The following FUT8 variants were observed in gnomAD, a reference collection of about 807,000 sequenced individuals.
The protein encoded by FUT8 is alpha-(1,6)-fucosyltransferase.
In FUT8, 29 loss-of-function variants were observed where a neutral mutation model predicts 71.3. The ratio of observed to expected loss-of-function variants is 0.41; its 90% CI spans 0.30 to 0.55. FUT8 has a LOEUF of 0.55. FUT8 is among the 20% of genes least tolerant of loss of function. The probability of loss-of-function intolerance (pLI) is 0.34; values close to 1 mark genes in which losing one functional copy is unlikely to be tolerated. For synonymous variants in FUT8, 254 were observed against 239.3 expected (o/e 1.06, Z -0.57); for missense variants, 544 against 702.1 (o/e 0.77, Z 2.55).
intron 1 of FUT8, among the ~76,000 whole-genome samples, chr14:65,423,235 C>G (rs188812814): frequency 1.3e-5 from 2 of 150,218 alleles, no homozygotes; most frequent in Admixed American, 1.3e-4. Context: ...CTGCCCACCT[C>G]GGCCTCCCAA....
intron 6 of FUT8, among the ~76,000 whole-genome samples, chr14:65,657,361 T>C (rs1197953035): frequency 6.6e-6 from 1 of 152,134 alleles, no homozygotes; most frequent in African/African-American, 2.4e-5. Flanking sequence ...TGAAGAAATA[T>C]TTGCACTTCC....
intron 2 of FUT8, among the ~76,000 whole-genome samples, chr14:65,553,636 G>C (rs898462317): frequency 2.0e-5 from 3 of 150,314 alleles, no homozygotes; most frequent in African/African-American, 7.3e-5. Context: ...GAAGAGTTTT[G>C]ATTTTGCCTT....
At chr14:65,375,881 A>G in the FUT8 span, among the ~76,000 whole-genome samples, 7 of 99,736 alleles carry the variant, frequency 7.0e-5, no homozygotes, top group Non-Finnish European at 1.4e-4. Flanking sequence ...ACTTGAGGCC[A>G]GGAGTTCAAG....
intron 6 of FUT8, among the ~76,000 whole-genome samples, chr14:65,651,763 T>C (rs756269378): frequency 1.3e-5 from 2 of 152,050 alleles, no homozygotes; most frequent in African/African-American, 2.4e-5. Context: ...AAAAATTAGC[T>C]CAGTAGTAAA....
chr14:65,514,665 C>CA (rs1210196588), intron 2 of FUT8, among the ~76,000 whole-genome samples: 1 of 151,582 alleles, frequency 6.6e-6, no homozygotes, highest in Non-Finnish European at 1.5e-5. Flanking sequence ...AGTAGGTATA[C>CA]AAAACTTAGT....
intron 7 of FUT8, among the ~76,000 whole-genome samples, chr14:65,716,401 A>C (rs1468734140): frequency 6.7e-6 from 1 of 149,598 alleles, no homozygotes; most frequent in African/African-American, 2.5e-5. Flanking sequence ...TTTTTTTGGA[A>C]AATAATGGAA....
At chr14:65,676,413 T>C (rs748417443) in intron 7 of FUT8, among the ~76,000 whole-genome samples, 5 of 152,246 alleles carry the variant, frequency 3.3e-5, no homozygotes, top group Non-Finnish European at 7.3e-5. Context: ...CCTTGATAAC[T>C]GTCTCAGAAA....
chr14:65,402,808 T>TTGA, the FUT8 span, among the ~76,000 whole-genome samples: 1 of 152,156 alleles, frequency 6.6e-6, no homozygotes, highest in Non-Finnish European at 1.5e-5. Context: ...TGGAGTATAT[T>TTGA]TTAAACTAAA....
chr14:65,587,543 C>CA (rs1288623654), intron 3 of FUT8, among the ~76,000 whole-genome samples: 1 of 152,078 alleles, frequency 6.6e-6, no homozygotes, highest in African/African-American at 2.4e-5. Context: ...AAAATTTTAC[C>CA]AAGACAAACG....
intron 2 of FUT8, among the ~76,000 whole-genome samples, chr14:65,456,451 T>G (rs1448291860): frequency 6.6e-6 from 1 of 152,234 alleles, no homozygotes; most frequent in Non-Finnish European, 1.5e-5. Context: ...TGCTGAGTAG[T>G]GTTCCATTTT....
chr14:65,417,189 A>G (rs1426482429), intron 1 of FUT8, among the ~76,000 whole-genome samples: 3 of 152,164 alleles, frequency 2.0e-5, no homozygotes, highest in African/African-American at 4.8e-5. Context: ...TCCTGACCTC[A>G]AGTGATCATC....
At chr14:65,478,252 C>G (rs1027427434) in intron 2 of FUT8, among the ~76,000 whole-genome samples, 1 of 152,020 alleles carries the variant, frequency 6.6e-6, no homozygotes, top group Non-Finnish European at 1.5e-5. Context: ...CCCAAGGCCC[C>G]CCAGTGGATA....
intron 7 of FUT8, among the ~76,000 whole-genome samples, chr14:65,671,193 A>G (rs747753140): frequency 8.5e-5 from 13 of 152,162 alleles, no homozygotes; most frequent in Non-Finnish European, 1.5e-4. Context: ...GGGGGAGACA[A>G]CTTTTTGTAT....
chr14:65,532,844 C>T (rs1271809492), intron 2 of FUT8, among the ~76,000 whole-genome samples: 1 of 152,186 alleles, frequency 6.6e-6, no homozygotes, highest in African/African-American at 2.4e-5. Flanking sequence ...TTTCAATCTT[C>T]TGCATACGGC....
At chr14:65,619,319 C>T (rs538589901) in intron 5 of FUT8, among the ~76,000 whole-genome samples, 2 of 152,256 alleles carry the variant, frequency 1.3e-5, no homozygotes, top group Admixed American at 6.5e-5. Flanking sequence ...GTGACCCCAT[C>T]AGTGAGCTGT....
At chr14:65,522,066 T>C (rs370428523) in intron 2 of FUT8, among the ~76,000 whole-genome samples, 2 of 152,180 alleles carry the variant, frequency 1.3e-5, no homozygotes, top group East Asian at 3.8e-4. Context: ...CTTTAGTCCA[T>C]TGATGGGGTG....
At chr14:65,535,115 T>C (rs1017719016) in intron 2 of FUT8, among the ~76,000 whole-genome samples, 1 of 151,902 alleles carries the variant, frequency 6.6e-6, no homozygotes, top group Non-Finnish European at 1.5e-5. Flanking sequence ...TATTTTATTT[T>C]TTTTGAGACA....
intron 2 of FUT8, among the ~76,000 whole-genome samples, chr14:65,482,554 C>T (rs978249369): frequency 1.3e-5 from 2 of 152,168 alleles, no homozygotes; most frequent in African/African-American, 4.8e-5. Context: ...GATCACAACT[C>T]CAGGATATTG....
chr14:65,673,118 T>C (rs2140382064), intron 7 of FUT8, among the ~76,000 whole-genome samples: 1 of 152,328 alleles, frequency 6.6e-6, no homozygotes, highest in Admixed American at 6.5e-5. Flanking sequence ...ATAAATACGA[T>C]AAAGTTTGAT....
Sources: gnomAD v4.1 joint callset for allele counts (sites outside exome capture counted in the v4.1 genomes callset) on GRCh38, gnomAD v4.1.1 for gene constraint, MANE v1.5 for transcripts, NCBI Gene and HGNC (gene_info 2026-07-23, HGNC 2026-07-21) for gene names.